Variants in ASB3 observed in about 807,000 individuals in gnomAD.
ASB3 encodes ankyrin repeat and SOCS box protein 3.
A neutral mutation model predicts 54.5 loss-of-function variants in ASB3; 41 were observed. The observed-to-expected ratio is 0.75, with a 90% confidence interval of 0.59 to 0.98. The LOEUF is 0.98. Ranked by LOEUF, ASB3 falls within the 50% of genes least tolerant of loss-of-function variation. The pLI is 0.00. For synonymous variants in ASB3, 266 were observed against 221.2 expected (o/e 1.20, Z -1.80); for missense variants, 733 against 620.0 (o/e 1.18, Z -1.94).
chr2:53,746,895 T>C (rs1426656022), intron 3 of ASB3, among the ~76,000 whole-genome samples: 1 of 152,072 alleles, frequency 6.6e-6, no homozygotes, highest in Non-Finnish European at 1.5e-5. Context: ...TCTTAGTCAA[T>C]ACAAATTTAC....
At chr2:53,732,578 A>C (rs1671381559) in intron 3 of ASB3, among the ~76,000 whole-genome samples, 1 of 152,186 alleles carries the variant, frequency 6.6e-6, no homozygotes, top group Non-Finnish European at 1.5e-5. Flanking sequence ...ATGTGTTTTG[A>C]TTATTAAATA....
intron 5 of ASB3, among the ~76,000 whole-genome samples, chr2:53,723,154 AAGG>A (rs759236390): frequency 2.6e-5 from 4 of 152,190 alleles, no homozygotes; most frequent in Non-Finnish European, 4.4e-5. Flanking sequence ...AGATCTCTAC[AAGG>A]AGAACTACAA....
At chr2:53,757,777 T>G (rs1672918091) in intron 2 of ASB3, among the ~76,000 whole-genome samples, 1 of 152,174 alleles carries the variant, frequency 6.6e-6, no homozygotes, top group Non-Finnish European at 1.5e-5. Flanking sequence ...CCACCACCCT[T>G]GCCAGGGCCC....
At chr2:53,680,599 G>A (rs1668318523) in intron 9 of ASB3, among the ~76,000 whole-genome samples, 2 of 151,904 alleles carry the variant, frequency 1.3e-5, no homozygotes, top group African/African-American at 4.8e-5. Context: ...AATTGTGTGG[G>A]CACATAGTAG....
chr2:53,716,614 T>C lies in ASB3; in HGVS notation c.734A>G (p.Asp245Gly). The change falls in exon 6 of 10, where the codon GAC becomes GGC. Residue 245 changes from aspartate (D) to glycine (G), a missense_variant. Asp to Gly is a moderately conservative substitution (Grantham distance 94). Transcript: ENST00000263634. ...TGCATGAATAGGTAACTGCCAACTG[T>C]CCTCATTACAGTAAAGATCAGGATC... is the stretch of plus-strand genomic sequence containing the variant. ...GADPDLYCNE[D>G]SWQLPIHAAA... 6.2e-7 allele frequency: 1 copy of C among 1,614,154 alleles called. No individual in the cohort carries two copies.
intron 9 of ASB3, among the ~76,000 whole-genome samples, chr2:53,677,821 T>G (rs1668162656): frequency 6.6e-6 from 1 of 151,994 alleles, no homozygotes; most frequent in Non-Finnish European, 1.5e-5. Context: ...TAGAGTGTCT[T>G]GCTGAGTATG....
chr2:53,773,750 T>C (rs1217340506), intron 1 of ASB3, among the ~76,000 whole-genome samples: 1 of 151,056 alleles, frequency 6.6e-6, no homozygotes, highest in Non-Finnish European at 1.5e-5. Context: ...ATATACAAGA[T>C]ACAGGCAGGC....
At position 53,726,607 on chromosome 2, in the gene ASB3, C is replaced by CATATATATACACACATAT. The variant is rs1671008830; in HGVS notation, c.604+2087_604+2104dup. Among the ~76,000 whole-genome samples, 3 of 150,916 alleles carry CATATATATACACACATAT rather than the reference C, an allele frequency of 2.0e-5. No individual in the cohort carries two copies. In the Admixed American group the frequency reaches 2.0e-4, roughly 10 times the overall value. ...AAACATATATATATATACACACACACATATATATACACACATATATATATA... is the reference window on the plus strand; with the variant it reads ...AAACATATATATATATACACACACACATATATATACACACATATATATATATACACACATATATATATA... On this transcript the variant is annotated intron_variant, in intron 5 of 9. Transcript: ENST00000263634.
chr2:53,732,989 C>G (rs1053816158), intron 3 of ASB3, among the ~76,000 whole-genome samples: 1 of 152,186 alleles, frequency 6.6e-6, no homozygotes, highest in African/African-American at 2.4e-5. Context: ...TTTATACAGA[C>G]ATACTTTCTC....
At chr2:53,681,308 T>C (rs1179128019) in intron 9 of ASB3, among the ~76,000 whole-genome samples, 1 of 152,224 alleles carries the variant, frequency 6.6e-6, no homozygotes, top group Admixed American at 6.5e-5. Context: ...CTTTCTCCCC[T>C]TCTGTGGGCC....
At chr2:53,716,321 C>T (rs748087624) in intron 6 of ASB3, among the ~76,000 whole-genome samples, 1 of 152,088 alleles carries the variant, frequency 6.6e-6, no homozygotes, top group Non-Finnish European at 1.5e-5. Context: ...GAAGAGTCAA[C>T]ACCCCGAGAA....
intron 9 of ASB3, among the ~76,000 whole-genome samples, chr2:53,681,743 G>A (rs531116150): frequency 6.6e-6 from 1 of 152,144 alleles, no homozygotes; most frequent in Non-Finnish European, 1.5e-5. Context: ...CCAGTACCAG[G>A]CTGTTTTAGT....
chr2:53,705,550 T>C (rs993625798), intron 7 of ASB3, among the ~76,000 whole-genome samples: 1 of 152,238 alleles, frequency 6.6e-6, no homozygotes, highest in African/African-American at 2.4e-5. Context: ...TTTCTGACCA[T>C]GCCTTTCTGT....
At chr2:53,740,203 T>G (rs1260053386) in intron 3 of ASB3, among the ~76,000 whole-genome samples, 2 of 152,236 alleles carry the variant, frequency 1.3e-5, no homozygotes, top group Non-Finnish European at 2.9e-5. Flanking sequence ...TGTTCTCCAT[T>G]ATGCATTTCA....
At chr2:53,771,864 C>G (rs1206179957) in intron 1 of ASB3, 2 of 1,221,366 alleles carry the variant, frequency 1.6e-6, no homozygotes, top group East Asian at 2.4e-5. Flanking sequence ...ACTTAATGAA[C>G]TTTATTAATT....
intron 1 of ASB3, chr2:53,771,794 C>T (rs1352815177): frequency 5.6e-6 from 4 of 715,780 alleles, no homozygotes; most frequent in Middle Eastern, 3.2e-4. Flanking sequence ...AGAAATAGTG[C>T]TTCTTATGAG....
At chr2:53,768,583 T>C (rs1019626126) in intron 1 of ASB3, among the ~76,000 whole-genome samples, 3 of 152,348 alleles carry the variant, frequency 2.0e-5, no homozygotes, top group Non-Finnish European at 2.9e-5. Flanking sequence ...CGCTGGTTAT[T>C]AAGGAACTCA....
intron 9 of ASB3, among the ~76,000 whole-genome samples, chr2:53,671,356 GT>G (rs2104006967): frequency 2.2e-5 from 2 of 92,976 alleles, no homozygotes; most frequent in East Asian, 6.2e-4. Flanking sequence ...CCCAAAGCGT[GT>G]GTGTGTGTGT....
chr2:53,705,334 T>C (rs1669711539), intron 7 of ASB3, among the ~76,000 whole-genome samples: 1 of 152,152 alleles, frequency 6.6e-6, no homozygotes, highest in Non-Finnish European at 1.5e-5. Flanking sequence ...CAAATTGTAA[T>C]TATGCTCACA....
Sources: gnomAD v4.1 joint callset for allele counts (sites outside exome capture counted in the v4.1 genomes callset) on GRCh38, gnomAD v4.1.1 for gene constraint, MANE v1.5 for transcripts, NCBI Gene and HGNC (gene_info 2026-07-23, HGNC 2026-07-21) for gene names.